Variants in PCDH15 observed in about 807,000 individuals in gnomAD.
PCDH15 encodes protocadherin related 15.
Under a neutral mutation model 178.5 loss-of-function variants are expected in PCDH15, and 129 were observed. The observed-to-expected ratio is 0.72, with a 90% confidence interval of 0.63 to 0.84. The LOEUF is 0.84. Among genes scored for constraint, PCDH15 ranks in the 40% least tolerant of loss-of-function variants. The probability of loss-of-function intolerance (pLI) is 0.00; values close to 1 mark genes in which losing one functional copy is unlikely to be tolerated. For synonymous variants in PCDH15, 800 were observed against 732.0 expected (o/e 1.09, Z -1.50); for missense variants, 2,230 against 2,099.9 (o/e 1.06, Z -1.21).
intron 20 of PCDH15, among the ~76,000 whole-genome samples, chr10:54,002,050 T>C (rs10825188): frequency 7.6e-5 from 2 of 26,240 alleles, no homozygotes; most frequent in African/African-American, 6.7e-4. Context: ...TATATACATA[T>C]ATGTATATAT....
At chr10:55,382,317 C>G (rs1837554487) in intron 2 of PCDH15, among the ~76,000 whole-genome samples, 3 of 152,074 alleles carry the variant, frequency 2.0e-5, no homozygotes, top group African/African-American at 7.2e-5. Flanking sequence ...AAAATTAAGG[C>G]TGCTAATCAG....
intron 8 of PCDH15, among the ~76,000 whole-genome samples, chr10:54,258,307 ATAT>A (rs1301361332): frequency 6.6e-6 from 1 of 152,234 alleles, no homozygotes; most frequent in Non-Finnish European, 1.5e-5. Flanking sequence ...ACGGGAAGAC[ATAT>A]TATTTTGCTA....
intron 29 of PCDH15, among the ~76,000 whole-genome samples, chr10:53,835,899 A>C (rs192691372): frequency 2.8e-4 from 42 of 152,336 alleles, no homozygotes; most frequent in Admixed American, 2.5e-3. Context: ...AAGGCAGGAC[A>C]CAAGAGAATA....
intron 2 of PCDH15, among the ~76,000 whole-genome samples, chr10:55,040,315 G>C (rs74136334): frequency 1.3e-5 from 2 of 151,974 alleles, no homozygotes; most frequent in African/African-American, 2.4e-5. Flanking sequence ...GCTGACACAG[G>C]CTTGAAAGAA....
intron 19 of PCDH15, among the ~76,000 whole-genome samples, chr10:54,021,961 GA>G (rs567785381): frequency 6.6e-5 from 10 of 152,040 alleles, no homozygotes; most frequent in South Asian, 2.1e-4. Context: ...ATGAATGGTG[GA>G]ATAGATGAAG....
chr10:55,343,123 A>T (rs974369032), intron 2 of PCDH15, among the ~76,000 whole-genome samples: 1 of 152,162 alleles, frequency 6.6e-6, no homozygotes, highest in African/African-American at 2.4e-5. Flanking sequence ...TAGCAGGCCA[A>T]GTTGGGTGGG....
intron 20 of PCDH15, among the ~76,000 whole-genome samples, chr10:54,012,411 G>A (rs796241996): frequency 1.2e-4 from 18 of 152,108 alleles, no homozygotes; most frequent in African/African-American, 4.3e-4. Context: ...TCACTAGAGA[G>A]GCCAATATTA....
At position 54,066,850 on chromosome 10, in the gene PCDH15, A is replaced by T. The variant is rs996460868; in HGVS notation, c.2127T>A (p.Asp709Glu). 1 of 1,613,492 alleles carries T rather than the reference A, an allele frequency of 6.2e-7. No homozygotes were observed. The highest frequency in any genetic ancestry group is 1.7e-5 in the Admixed American group (1 of 60,018). ...CAAACACTGGAGCATTGTCATTGAC[A>T]TCTGTCACCACTATGTTTACTGTGG... ...STATVNIVVT[D>E]VNDNAPVFDP... The change falls in exon 18 of 38, where the codon GAT (aspartate) becomes GAA (glutamate). Residue 709 changes from aspartate to glutamate, a missense_variant. Coordinates refer to ENST00000644397, the MANE Select transcript of PCDH15 (RefSeq NM_001384140.1).
At chr10:54,081,404 C>G (rs2094435563) in intron 16 of PCDH15, among the ~76,000 whole-genome samples, 1 of 151,892 alleles carries the variant, frequency 6.6e-6, no homozygotes, top group African/African-American at 2.4e-5. Flanking sequence ...ATATAGTATA[C>G]AGTATATTCA....
At chr10:53,836,460 AGAGAGCACT>A (rs2077313069) in intron 29 of PCDH15, among the ~76,000 whole-genome samples, 2 of 152,110 alleles carry the variant, frequency 1.3e-5, no homozygotes, top group South Asian at 4.1e-4. Flanking sequence ...ACAAGCATAT[AGAGAGCACT>A]GAGAGCTGAG....
intron 1 of PCDH15, among the ~76,000 whole-genome samples, chr10:54,670,019 A>G (rs902939474): frequency 6.6e-6 from 1 of 152,112 alleles, no homozygotes; most frequent in Non-Finnish European, 1.5e-5. Flanking sequence ...GCACCACTGC[A>G]CTTCAGCCTG....
intron 2 of PCDH15, among the ~76,000 whole-genome samples, chr10:55,497,438 G>A (rs989164870): frequency 5.3e-5 from 8 of 151,626 alleles, no homozygotes; most frequent in African/African-American, 1.2e-4. Context: ...CTGAAAAGAG[G>A]TACTTTTTAA....
intron 2 of PCDH15, among the ~76,000 whole-genome samples, chr10:55,428,661 T>A (rs1589018351): frequency 6.6e-6 from 1 of 152,084 alleles, no homozygotes; most frequent in East Asian, 1.9e-4. Context: ...CTTACTTTTT[T>A]ATTCAATCTG....
intron 9 of PCDH15, among the ~76,000 whole-genome samples, chr10:54,223,852 T>C (rs567957622): frequency 1.4e-4 from 22 of 152,322 alleles, no homozygotes; most frequent in Admixed American, 1.3e-4. Flanking sequence ...TTTTGACAGT[T>C]CCTTGAATTC....
chr10:54,646,039 T>G (rs886940573), intron 2 of PCDH15, among the ~76,000 whole-genome samples: 3 of 152,188 alleles, frequency 2.0e-5, no homozygotes, highest in Non-Finnish European at 4.4e-5. Flanking sequence ...TACTATGCCT[T>G]AAATATTTAT....
At chr10:55,101,620 A>G (rs1286269105) in intron 2 of PCDH15, among the ~76,000 whole-genome samples, 2 of 151,842 alleles carry the variant, frequency 1.3e-5, no homozygotes, top group Non-Finnish European at 1.5e-5. Flanking sequence ...TGGCATATAA[A>G]TTTTTTAAAT....
At chr10:54,180,062 T>C (rs1365674150) in intron 13 of PCDH15, among the ~76,000 whole-genome samples, 1 of 152,150 alleles carries the variant, frequency 6.6e-6, no homozygotes, top group Non-Finnish European at 1.5e-5. Flanking sequence ...CTGCATGGAA[T>C]GAAAAATGAA....
chr10:55,602,915 A>G (rs1589172466), intron 2 of PCDH15, among the ~76,000 whole-genome samples: 4 of 152,324 alleles, frequency 2.6e-5, no homozygotes, highest in Admixed American at 2.6e-4. Flanking sequence ...TGAGAGAAGA[A>G]GGCTTCAGAC....
chr10:54,422,731 A>G (rs1371116623), intron 3 of PCDH15, among the ~76,000 whole-genome samples: 1 of 152,152 alleles, frequency 6.6e-6, no homozygotes, highest in Non-Finnish European at 1.5e-5. Context: ...TACATTACTA[A>G]TTTTGATTGA....
Sources: gnomAD v4.1 joint callset for allele counts (sites outside exome capture counted in the v4.1 genomes callset) on GRCh38, gnomAD v4.1.1 for gene constraint, MANE v1.5 for transcripts, NCBI Gene and HGNC (gene_info 2026-07-23, HGNC 2026-07-21) for gene names.